The following WRN variants were observed in gnomAD, a reference collection of about 807,000 sequenced individuals.
The protein encoded by WRN is WRN RecQ like helicase.
A neutral mutation model predicts 180.7 loss-of-function variants in WRN; 149 were observed. That is an observed-to-expected ratio of 0.82 (90% CI 0.72 to 0.94). The LOEUF is 0.94. Ranked by LOEUF, WRN falls within the 40% of genes least tolerant of loss-of-function variation. WRN has a pLI of 0.00. For synonymous variants in WRN, 548 were observed against 568.9 expected, an observed-to-expected ratio of 0.96 and a Z score of 0.52; for missense variants, 1,661 against 1,700.1, an observed-to-expected ratio of 0.98 and a Z score of 0.40.
chr8:31,080,836 T>C (rs1271631925), intron 8 of WRN, 31 bp from the exon 9 acceptor site: 1 of 1,547,110 alleles, frequency 6.5e-7, no homozygotes, highest in African/African-American at 1.4e-5. Flanking sequence ...GCAATTGAAG[T>C]TGAATTAATC....
At chr8:31,060,375 A>T (rs897838829) in intron 3 of WRN, among the ~76,000 whole-genome samples, 2 of 152,104 alleles carry the variant, frequency 1.3e-5, no homozygotes, top group African/African-American at 4.8e-5. Flanking sequence ...GAGACCAGCC[A>T]TAGTAAGACC....
rs1585392054 is a variant in WRN at position 31,049,236 on chromosome 8, A to G, written c.-76-9136A>G. ...AAAAAAAAAAAAAAAAAAAAAAAAA[A>G]AGAAAGAAAATAGGCCCAGCAAGGT... On this transcript the variant is annotated intron_variant, in intron 1 of 34. Coordinates refer to ENST00000298139, the MANE Select transcript of WRN (RefSeq NM_000553.6). Among the ~76,000 whole-genome samples the G allele has an allele frequency of 7.4e-5, 11 of 149,460 alleles. No individual in the cohort carries two copies. In the South Asian group the frequency reaches 2.3e-3, roughly 32 times the overall value.
At chr8:31,170,024 A>C (rs776717184) in intron 34 of WRN, among the ~76,000 whole-genome samples, 1 of 152,118 alleles carries the variant, frequency 6.6e-6, no homozygotes, top group Non-Finnish European at 1.5e-5. Flanking sequence ...CCTGTGGGCT[A>C]TCTTGGGGTT....
In WRN at chr8:31,106,182, C is replaced by G. The variant is rs138957136; in HGVS notation, c.2088+5227C>G. Reference sequence around the variant, plus strand: ...CAGTAAGGAAATCTCGTGAGGTCTTCAGAATATATGCAGAATTAAATCACT... The same window carrying G: ...CAGTAAGGAAATCTCGTGAGGTCTTGAGAATATATGCAGAATTAAATCACT... On this transcript the variant is annotated intron_variant, in intron 18 of 34. Coordinates refer to ENST00000298139, the MANE Select transcript of WRN (RefSeq NM_000553.6). Among the ~76,000 whole-genome samples, 19 of 152,252 alleles carry G rather than the reference C, an allele frequency of 1.2e-4. No homozygotes were observed. In the East Asian group the frequency reaches 3.5e-3, roughly 28 times the overall value.
chr8:31,076,623 A>G (rs556700044), intron 8 of WRN, among the ~76,000 whole-genome samples: 21 of 152,300 alleles, frequency 1.4e-4, no homozygotes, highest in Admixed American at 4.6e-4. Context: ...TTAAGATTCA[A>G]AGTTGTCATT....
At position 31,081,275 on chromosome 8, in the gene WRN, T is replaced by C; in HGVS notation, c.1248T>C (p.Asp416=). The part of the protein sequence containing the change: ...EQQSQEEYLS[D]IAYKSTEHLS... ...AGTCTCAGGAAGAATATCTTAGTGA[T>C]ATTGCTTATAAATCTACTGAGGTAC... The change falls in exon 9 of 35, where the codon GAT becomes GAC. Residue 416 remains aspartate, a synonymous_variant. Transcript: ENST00000298139. 6.2e-7 allele frequency: 1 copy of C among 1,613,528 alleles called. No homozygotes were observed. The highest frequency in any genetic ancestry group is 8.5e-7 in the Non-Finnish European group (1 of 1,179,604).
intron 33 of WRN, among the ~76,000 whole-genome samples, chr8:31,163,515 A>G (rs534222797): frequency 6.6e-6 from 1 of 151,264 alleles, no homozygotes; most frequent in Admixed American, 6.6e-5. Context: ...TGTACTGCCA[A>G]TTAACTTAAA....
chr8:31,057,858 G>T (rs756913008), intron 1 of WRN, among the ~76,000 whole-genome samples: 5 of 151,760 alleles, frequency 3.3e-5, no homozygotes, highest in Admixed American at 2.6e-4. Flanking sequence ...GATATTAACA[G>T]ATTTTTAAAA....
intron 1 of WRN, among the ~76,000 whole-genome samples, chr8:31,058,087 T>C (rs1178178317): frequency 6.6e-6 from 1 of 152,204 alleles, no homozygotes; most frequent in Non-Finnish European, 1.5e-5. Context: ...ATGATTCATA[T>C]ACCCAAGGAT....
At chr8:31,066,319 G>A (rs1177598965) in intron 5 of WRN, among the ~76,000 whole-genome samples, 3 of 151,990 alleles carry the variant, frequency 2.0e-5, no homozygotes, top group Non-Finnish European at 2.9e-5. Flanking sequence ...CCGAGTAGCT[G>A]GCACTACAGG....
At chr8:31,077,332 C>G (rs1272888345) in intron 8 of WRN, among the ~76,000 whole-genome samples, 2 of 152,238 alleles carry the variant, frequency 1.3e-5, no homozygotes, top group Non-Finnish European at 2.9e-5. Context: ...GCTCCGCCTC[C>G]CGGGTTCACA....
chr8:31,128,011 G>A (rs1801994299), intron 23 of WRN, among the ~76,000 whole-genome samples: 1 of 152,014 alleles, frequency 6.6e-6, no homozygotes, highest in Admixed American at 6.6e-5. Flanking sequence ...TTGGAAGGCC[G>A]AGGCAAGAGA....
chr8:31,161,894 G>C (rs184846257), intron 33 of WRN, among the ~76,000 whole-genome samples: 1 of 149,256 alleles, frequency 6.7e-6, no homozygotes, highest in African/African-American at 2.5e-5. Context: ...CACTTACCAC[G>C]AATGGAGCTT....
At position 31,141,525 on chromosome 8, in the gene WRN, G is replaced by T. The variant is rs778382412; in HGVS notation, c.3063G>T (p.Gln1021His). The T allele has an allele frequency of 6.2e-7, 1 of 1,614,116 alleles. No homozygotes were observed. The highest frequency in any genetic ancestry group is 8.5e-7 in the Non-Finnish European group (1 of 1,180,018). ...GTTGGTGGAAGGCTTTTTCCCGTCA[G>T]CTGATCACTGAGGGATTCTTGGTAG... ...TESWWKAFSR[Q>H]LITEGFLVEV... Residue 1021 changes from glutamine to histidine, a missense_variant, in exon 25 of 35, where the codon CAG (glutamine) becomes CAT (histidine). By Grantham distance (24) the Gln-to-His change is conservative. Around this residue, in one of 3 missense-constraint regions of WRN, gnomAD observed 1,141 missense variants for 1,149.4 expected, o/e 0.99. Coordinates refer to ENST00000298139, the MANE Select transcript of WRN (RefSeq NM_000553.6).
chr8:31,147,198 T>A (rs981658232), intron 29 of WRN, 70 bp downstream of exon 29: 2 of 1,548,796 alleles, frequency 1.3e-6, no homozygotes. Context: ...CTTAAAATTC[T>A]GTATTTTGCC....
chr8:31,064,172 T>G, intron 3 of WRN, 117 bp from the exon 4 acceptor site: 2 of 1,112,616 alleles, frequency 1.8e-6, no homozygotes, highest in Non-Finnish European at 2.6e-6. Context: ...CAGTTGTATG[T>G]GCTCCAGATA....
intron 8 of WRN, among the ~76,000 whole-genome samples, chr8:31,080,031 C>A (rs192882683): frequency 2.5e-4 from 38 of 152,232 alleles, no homozygotes; most frequent in Admixed American, 7.8e-4. Context: ...CAGGCGCATG[C>A]CACCAAGCCC....
intron 12 of WRN, 99 bp from the exon 13 acceptor site, chr8:31,088,791 A>T: frequency 2.0e-6 from 2 of 979,998 alleles, no homozygotes; most frequent in East Asian, 2.6e-5. Flanking sequence ...GGTAGCTGTC[A>T]CTGTATTCTT....
chr8:31,150,436 G>T lies in WRN; in HGVS notation c.3668G>T (p.Cys1223Phe), dbSNP rs773929985. 6.2e-7 allele frequency: 1 copy of T among 1,614,004 alleles called. No individual in the cohort carries two copies. Among genetic ancestry groups the T allele is most frequent in the African/African-American group, 1.3e-5 (1 of 74,916 alleles). Residue 1223 changes from cysteine to phenylalanine, a missense_variant, in exon 31 of 35, where the codon TGC (cysteine) becomes TTC (phenylalanine). By Grantham distance (205) the Cys-to-Phe change is radical (BLOSUM62 -2). Transcript: ENST00000298139. Reference protein sequence around the residue: ...APLLEVIKHFCQTNSVQTDLF... With the variant: ...APLLEVIKHFFQTNSVQTDLF... ...CTGTTGGAAGTCATCAAACATTTCT[G>T]CCAAACAAATAGTGTTCAGGTAAAA...
Sources: allele counts gnomAD v4.1 joint callset (sites outside exome capture counted in the v4.1 genomes callset), GRCh38; gene constraint gnomAD v4.1.1; regional missense constraint gnomAD v4.1.1; transcripts MANE v1.5; gene names NCBI Gene and HGNC (gene_info 2026-07-23, HGNC 2026-07-21).